The following B3GALT1 variants were observed in gnomAD, a reference collection of about 807,000 sequenced individuals.
B3GALT1 encodes the protein beta-1,3-galactosyltransferase 1.
A neutral mutation model predicts 23.2 loss-of-function variants in B3GALT1; 10 were observed. The observed-to-expected ratio is 0.43, with a 90% CI of 0.27 to 0.73. The LOEUF (loss-of-function observed/expected upper bound fraction) is 0.73. B3GALT1 is among the 30% of genes least tolerant of loss of function. B3GALT1 has a pLI of 0.21. For missense variants in B3GALT1, 299 were observed against 405.4 expected (o/e 0.74, Z 2.25); for synonymous variants, 156 against 141.5 (o/e 1.10, Z -0.73).
intron 2 of B3GALT1, among the ~76,000 whole-genome samples, chr2:167,508,131 T>C (rs1202025670): frequency 1.3e-5 from 2 of 152,200 alleles, no homozygotes; most frequent in Non-Finnish European, 2.9e-5. Context: ...CTCCACAACC[T>C]AATACCATCA....
At chr2:167,418,863 C>A (rs752925807) in intron 1 of B3GALT1, among the ~76,000 whole-genome samples, 3 of 152,086 alleles carry the variant, frequency 2.0e-5, no homozygotes, top group Non-Finnish European at 4.4e-5. Context: ...CTCTTTTCCA[C>A]CCATCTGAGC....
At chr2:167,363,162 T>A (rs1363726350) in intron 1 of B3GALT1, among the ~76,000 whole-genome samples, 4 of 151,506 alleles carry the variant, frequency 2.6e-5, no homozygotes, top group African/African-American at 9.7e-5. Context: ...GCCTAAGGCT[T>A]TGTTTTCTTA....
At chr2:167,776,731 T>A (rs1228761856) in intron 3 of B3GALT1, among the ~76,000 whole-genome samples, 1 of 152,226 alleles carries the variant, frequency 6.6e-6, no homozygotes, top group Non-Finnish European at 1.5e-5. Context: ...ATAACTTCAG[T>A]GTCTGTTTTT....
chr2:167,783,362 G>A (rs1412579339), intron 3 of B3GALT1, among the ~76,000 whole-genome samples: 3 of 152,228 alleles, frequency 2.0e-5, no homozygotes. Context: ...GATGGTAAAA[G>A]CTGAGAGTCC....
chr2:167,373,307 G>T (rs1054342763), intron 1 of B3GALT1, among the ~76,000 whole-genome samples: 15 of 151,476 alleles, frequency 9.9e-5, no homozygotes. Flanking sequence ...CAACTTTTTG[G>T]ATAGACAGGA....
intron 1 of B3GALT1, among the ~76,000 whole-genome samples, chr2:167,486,692 TG>T (rs982126004): frequency 3.9e-5 from 6 of 152,174 alleles, no homozygotes; most frequent in African/African-American, 1.4e-4. Flanking sequence ...CACTCCAGCC[TG>T]GTGAAAGAGT....
At chr2:167,442,208 C>T (rs1223484267) in intron 1 of B3GALT1, among the ~76,000 whole-genome samples, 1 of 152,060 alleles carries the variant, frequency 6.6e-6, no homozygotes, top group Admixed American at 6.5e-5. Flanking sequence ...AGGACATGAA[C>T]TCATCATTTT....
intron 3 of B3GALT1, among the ~76,000 whole-genome samples, chr2:167,817,583 C>T (rs1172763981): frequency 6.6e-6 from 1 of 152,170 alleles, no homozygotes; most frequent in Non-Finnish European, 1.5e-5. Context: ...TTAACAGAAA[C>T]TGGAACCAGC....
chr2:167,388,441 T>C (rs35951823), intron 1 of B3GALT1, among the ~76,000 whole-genome samples: 1,635 of 152,014 alleles, frequency 0.011, 30 homozygotes, highest in African/African-American at 0.036. Flanking sequence ...GGTTCAGGGG[T>C]GGACAGATAG....
At chr2:167,773,254 T>TG (rs1232167750) in intron 3 of B3GALT1, among the ~76,000 whole-genome samples, 1 of 152,192 alleles carries the variant, frequency 6.6e-6, no homozygotes, top group South Asian at 2.1e-4. Context: ...ATGTTGTATT[T>TG]GAATATAAAA....
intron 3 of B3GALT1, among the ~76,000 whole-genome samples, chr2:167,672,234 T>A (rs1267861220): frequency 6.6e-6 from 1 of 152,122 alleles, no homozygotes; most frequent in Non-Finnish European, 1.5e-5. Flanking sequence ...CCCATCTACC[T>A]TTCAGATATT....
intron 1 of B3GALT1, among the ~76,000 whole-genome samples, chr2:167,456,627 C>T (rs913625497): frequency 6.6e-6 from 1 of 152,146 alleles, no homozygotes; most frequent in African/African-American, 2.4e-5. Flanking sequence ...AGGGTTCCCT[C>T]GAATCCCCCC....
chr2:167,661,684 A>G (rs1034180896), intron 3 of B3GALT1, among the ~76,000 whole-genome samples: 1 of 152,076 alleles, frequency 6.6e-6, no homozygotes, highest in Non-Finnish European at 1.5e-5. Context: ...GGTTGAGAAT[A>G]ATTGTTCTGG....
intron 3 of B3GALT1, among the ~76,000 whole-genome samples, chr2:167,795,006 G>A (rs955567934): frequency 1.3e-5 from 2 of 152,090 alleles, no homozygotes; most frequent in Non-Finnish European, 2.9e-5. Context: ...CTTTCTGATT[G>A]CAAACAATTG....
intron 2 of B3GALT1, among the ~76,000 whole-genome samples, chr2:167,585,862 A>C (rs1684576351): frequency 6.6e-6 from 1 of 152,232 alleles, no homozygotes; most frequent in Non-Finnish European, 1.5e-5. Context: ...AAATAAAAAT[A>C]ACATAGATGC....
rs1467844009 is a variant in B3GALT1, at chr2:167,870,707, TTTTTC to T, written c.*692_*696del. On this transcript the variant is annotated 3_prime_UTR_variant, in exon 5 of 5. Transcript: ENST00000392690. ...TTAACAAAGTAAACAAAAGATTTTT[TTTTTC>T]TTTTTTTTTCTTTCTTTTTTGTTTT... The T allele has an allele frequency of 6.0e-5, 10 of 166,216 alleles. No homozygotes were observed. The highest frequency in any genetic ancestry group is 5.9e-5 in the Non-Finnish European group (4 of 68,012). The allele number at this position is 166,216 out of a possible 1,614,324, so 10.3% of individuals were successfully genotyped here. A position where few individuals can be genotyped will look rare whatever the true frequency, so the allele number is the denominator to read the frequency against.
At chr2:167,563,391 C>T (rs113558123) in intron 2 of B3GALT1, among the ~76,000 whole-genome samples, 4 of 136,468 alleles carry the variant, frequency 2.9e-5, no homozygotes, top group Admixed American at 2.1e-4. Flanking sequence ...CCGGACGGGG[C>T]GGCTGGCCGG....
At chr2:167,602,788 A>G (rs1684898374) in intron 2 of B3GALT1, among the ~76,000 whole-genome samples, 1 of 152,066 alleles carries the variant, frequency 6.6e-6, no homozygotes, top group South Asian at 2.1e-4. Flanking sequence ...TGGTCTTTCT[A>G]TTGCCTTCAC....
intron 2 of B3GALT1, among the ~76,000 whole-genome samples, chr2:167,585,122 C>A (rs1684565569): frequency 6.6e-6 from 1 of 152,162 alleles, no homozygotes; most frequent in Admixed American, 6.5e-5. Flanking sequence ...GGCAAAGACA[C>A]TCTTTTCGCT....
Sources: allele counts gnomAD v4.1 joint callset (sites outside exome capture counted in the v4.1 genomes callset), GRCh38; gene constraint gnomAD v4.1.1; transcripts MANE v1.5; gene names NCBI Gene and HGNC (gene_info 2026-07-23, HGNC 2026-07-21).